Variants in ARAP2 observed in about 807,000 individuals in gnomAD.
The protein encoded by ARAP2 is arf-GAP with Rho-GAP domain, ANK repeat and PH domain-containing protein 2.
A neutral mutation model predicts 194.5 loss-of-function variants in ARAP2; 148 were observed. That is an observed-to-expected ratio of 0.76 (90% confidence interval 0.67 to 0.87). The LOEUF is 0.87. Ranked by LOEUF, ARAP2 falls within the 40% of genes least tolerant of loss-of-function variation. ARAP2 has a pLI of 0.00. For synonymous variants in ARAP2, 695 were observed against 683.5 expected (o/e 1.02, Z -0.26); for missense variants, 2,128 against 1,989.7 (o/e 1.07, Z -1.32).
chr4:36,185,671 A>C (rs1740367389), intron 8 of ARAP2, among the ~76,000 whole-genome samples: 2 of 152,072 alleles, frequency 1.3e-5, no homozygotes, highest in Admixed American at 6.6e-5. Context: ...GAACACTCTT[A>C]TCTGTAAAAA....
intron 2 of ARAP2, among the ~76,000 whole-genome samples, chr4:36,222,209 G>A (rs1045434995): frequency 6.6e-6 from 1 of 152,082 alleles, no homozygotes; most frequent in African/African-American, 2.4e-5. Context: ...AGGGCCTGCT[G>A]CCTAGGAATA....
chr4:36,150,018 T>C (rs537372086), intron 16 of ARAP2, among the ~76,000 whole-genome samples: 3 of 152,326 alleles, frequency 2.0e-5, no homozygotes, highest in Admixed American at 2.0e-4. Flanking sequence ...AGATCTTAGA[T>C]GGCCTGCTTT....
chr4:36,198,936 C>A (rs1326043401), intron 6 of ARAP2, among the ~76,000 whole-genome samples: 5 of 152,156 alleles, frequency 3.3e-5, no homozygotes, highest in African/African-American at 4.8e-5. Flanking sequence ...ACAACTTGGG[C>A]ATCTGTAGCT....
intron 24 of ARAP2, among the ~76,000 whole-genome samples, chr4:36,118,373 CAG>C (rs775122017): frequency 8.6e-4 from 126 of 146,324 alleles, no homozygotes; most frequent in Non-Finnish European, 1.2e-3. Context: ...GAAATTCAAA[CAG>C]GGGTAAGACA....
At chr4:36,046,883 G>C (rs1472459489) in intron 3 of ARAP2, 1 of 152,262 alleles carries the variant, frequency 6.6e-6, no homozygotes, top group East Asian at 1.9e-4. Context: ...TCATTAGATA[G>C]AAATATGTGA....
At chr4:36,065,948 G>T (rs1339021137), downstream of ARAP2, 1 of 152,144 alleles carries the variant, frequency 6.6e-6, no homozygotes, top group Non-Finnish European at 1.5e-5. Context: ...TAATCTATTT[G>T]ATCTATTTCA....
intron 31 of ARAP2, among the ~76,000 whole-genome samples, chr4:36,077,273 G>T (rs962244841): frequency 3.3e-5 from 5 of 151,950 alleles, no homozygotes; most frequent in Non-Finnish European, 7.4e-5. Context: ...CTATGTAAAC[G>T]CCATATCTGA....
chr4:36,121,252 T>A lies in ARAP2; in HGVS notation c.3821A>T (p.Gln1274Leu), dbSNP rs1256604197. The A allele has an allele frequency of 6.2e-7, 1 of 1,607,038 alleles. No individual in the cohort carries two copies. The highest frequency in any genetic ancestry group is 1.1e-5 in the South Asian group (1 of 90,282). The stretch of plus-strand genomic sequence containing the variant: ...TTCTTCACTAGTTTGTCCCTTCGTT[T>A]GAAACAAACAGGATGAAAAGACCAA... Reference protein sequence around the residue: ...LALVFSSCLFQTKGQTSEEVN... With the variant: ...LALVFSSCLFLTKGQTSEEVN... The change falls in exon 23 of 33, where the codon CAA becomes CTA. Residue 1274 changes from glutamine (Q) to leucine (L), a missense_variant. By Grantham distance (113) the Gln-to-Leu change is moderately radical (BLOSUM62 -2). Transcript: ENST00000303965.
chr4:36,191,357 A>C (rs891622178), intron 7 of ARAP2, among the ~76,000 whole-genome samples: 3 of 152,126 alleles, frequency 2.0e-5, no homozygotes, highest in African/African-American at 7.2e-5. Flanking sequence ...TCCTTAAAAA[A>C]TAACCTACAC....
intron 5 of ARAP2, among the ~76,000 whole-genome samples, chr4:36,030,544 G>A (rs910600145): frequency 3.9e-5 from 6 of 152,020 alleles, no homozygotes; most frequent in South Asian, 2.1e-4. Flanking sequence ...ACCTTGAAAC[G>A]TAGATCTGTT....
intron 19 of ARAP2, among the ~76,000 whole-genome samples, chr4:36,146,531 G>T (rs965752999): frequency 2.0e-5 from 3 of 151,926 alleles, no homozygotes; most frequent in Non-Finnish European, 4.4e-5. Context: ...GACATGCCAA[G>T]CACAACACAC....
chr4:36,135,311 A>T (rs772897980), intron 19 of ARAP2, among the ~76,000 whole-genome samples: 70 of 151,776 alleles, frequency 4.6e-4, no homozygotes, highest in Admixed American at 1.4e-3. Context: ...ATATAAAAAG[A>T]GAAACAAAAA....
intron 19 of ARAP2, among the ~76,000 whole-genome samples, chr4:36,145,191 GAA>G (rs1174193476): frequency 6.7e-6 from 1 of 148,612 alleles, no homozygotes; most frequent in Non-Finnish European, 1.5e-5. Flanking sequence ...CTATCCAAAG[GAA>G]AAAAAAATGG....
In ARAP2 at chr4:36,211,409, G is replaced by A. The variant is rs114914282; in HGVS notation, c.1134-666C>T. Among the ~76,000 whole-genome samples, 581 of 152,118 alleles carry A rather than the reference G, an allele frequency of 3.8e-3. 8 individuals are homozygous for A. The highest frequency in any genetic ancestry group is 0.013 in the African/African-American group (554 of 41,502). On this transcript the variant is annotated intron_variant, in intron 5 of 32. Transcript: ENST00000303965. ...CTAAGCATATTTCTACAGATTCAAG[G>A]GATGACATAATAGATCAACTCATTC... is the stretch of plus-strand genomic sequence containing the variant.
rs201030590 is a variant in ARAP2, at chr4:36,124,865, T to C, written c.3743A>G (p.Tyr1248Cys). Residue 1248 changes from tyrosine to cysteine, a missense_variant, in exon 22 of 33, where the codon TAT becomes TGT. Tyr to Cys is a radical substitution (Grantham distance 194). Coordinates refer to ENST00000303965, the MANE Select transcript of ARAP2 (RefSeq NM_015230.4). ...AAAAGTTCATTCATCTACCCACCTA[T>C]ACAGGTGTTCAATGATAGCTGCTAG... ...ATLAAIIEHL[Y>C]RVQKCSEINH... is the part of the protein sequence containing the mutation. The C allele has an allele frequency of 3.8e-6, 6 of 1,598,870 alleles. No homozygotes were observed. The highest frequency in any genetic ancestry group is 1.7e-5 in the Admixed American group (1 of 59,482).
At chr4:36,009,253 C>A (rs1230265215) in intron 9 of ARAP2, among the ~76,000 whole-genome samples, 1 of 152,070 alleles carries the variant, frequency 6.6e-6, no homozygotes, top group Non-Finnish European at 1.5e-5. Flanking sequence ...TTCATCACAG[C>A]ATTATTCACA....
In ARAP2 at chr4:36,128,615, C is replaced by A; in HGVS notation, c.3558G>T (p.Thr1186=). Residue 1186 remains threonine, a synonymous_variant, in exon 21 of 33, where the codon ACG becomes ACT. Transcript: ENST00000303965. ...CAGAGAGAAAACTTTTCAACACAGC[C>A]GTCACATCTTCAAGCTGATGTTTTC... ...RAGKHQLEDV[T]AVLKSFLSDI... is the part of the protein sequence containing the mutation. The A allele has an allele frequency of 1.2e-6, 2 of 1,612,886 alleles. No homozygotes were observed. The highest frequency in any genetic ancestry group is 1.7e-6 in the Non-Finnish European group (2 of 1,179,472).
intron 5 of ARAP2, among the ~76,000 whole-genome samples, chr4:36,038,204 A>G (rs1560302519): frequency 6.6e-6 from 1 of 152,028 alleles, no homozygotes; most frequent in Non-Finnish European, 1.5e-5. Context: ...CATCTGCCCA[A>G]CCTCCCATTT....
chr4:36,156,537 A>G (rs1578106708), intron 15 of ARAP2, among the ~76,000 whole-genome samples: 1 of 152,062 alleles, frequency 6.6e-6, no homozygotes, highest in East Asian at 1.9e-4. Flanking sequence ...AGGAAAACAA[A>G]GATAAGCCTC....
Sources: gnomAD v4.1 joint callset for allele counts (sites outside exome capture counted in the v4.1 genomes callset) on GRCh38, gnomAD v4.1.1 for gene constraint, MANE v1.5 for transcripts, NCBI Gene and HGNC (gene_info 2026-07-23, HGNC 2026-07-21) for gene names.